The following MAEL variants were observed in gnomAD, a reference collection of about 807,000 sequenced individuals.
MAEL encodes the protein protein maelstrom homolog.
A neutral mutation model predicts 62.0 loss-of-function variants in MAEL; 46 were observed. That is an observed-to-expected ratio of 0.74 (90% CI 0.59 to 0.95). The LOEUF (loss-of-function observed/expected upper bound fraction) is 0.95. Ranked by LOEUF, MAEL falls within the 40% of genes least tolerant of loss-of-function variation. The pLI is 0.00. For missense variants in MAEL, 497 were observed against 526.8 expected (o/e 0.94, Z 0.55); for synonymous variants, 172 against 175.5 (o/e 0.98, Z 0.16).
Position 167,021,167 on chromosome 1 carries a change from A to G in MAEL, c.1117+7A>G. On this transcript the variant is annotated splice_region_variant and intron_variant, in intron 11 of 11. Coordinates refer to ENST00000367872, the MANE Select transcript of MAEL (RefSeq NM_032858.3). ...AGATCAAACACACCCATTGGTAAGC[A>G]ACTTATATTTTACAAAAATGCACCT... The G allele has an allele frequency of 6.2e-7, 1 of 1,603,870 alleles. No homozygotes were observed. The highest frequency in any genetic ancestry group is 1.7e-5 in the Admixed American group (1 of 59,716).
intron 5 of MAEL, among the ~76,000 whole-genome samples, chr1:166,999,236 G>T (rs745395361): frequency 6.6e-6 from 1 of 152,196 alleles, no homozygotes; most frequent in Non-Finnish European, 1.5e-5. Flanking sequence ...TAGGCTTCTT[G>T]TGCCAAATGA....
intron 1 of MAEL, 56 bp from the exon 2 acceptor site, chr1:166,989,681 T>C: frequency 6.4e-7 from 1 of 1,563,980 alleles, no homozygotes; most frequent in Non-Finnish European, 8.7e-7. Context: ...CTGCGGGCCC[T>C]AGAGCACGGG....
chr1:166,994,824 G>A (rs1007876064), intron 5 of MAEL, among the ~76,000 whole-genome samples: 11 of 151,218 alleles, frequency 7.3e-5, no homozygotes, highest in African/African-American at 2.2e-4. Context: ...CACATGCCAC[G>A]GTGCCCAGCT....
At chr1:167,006,912 A>G (rs1408707969) in intron 8 of MAEL, among the ~76,000 whole-genome samples, 1 of 151,952 alleles carries the variant, frequency 6.6e-6, no homozygotes, top group African/African-American at 2.4e-5. Context: ...CTGGGATTAC[A>G]TGCGTGAGCC....
At chr1:167,020,866 A>C (rs1410243) in intron 10 of MAEL, among the ~76,000 whole-genome samples, 1 of 151,442 alleles carries the variant, frequency 6.6e-6, no homozygotes, top group Non-Finnish European at 1.5e-5. Flanking sequence ...TCTCACTTTT[A>C]AAAAAAAAGG....
At chr1:166,975,760 C>G (rs1377436156) in intron 1 of MAEL, 3 of 152,078 alleles carry the variant, frequency 2.0e-5, no homozygotes, top group South Asian at 2.1e-4. Context: ...CGGGCCGCGC[C>G]GAGCGGGGAG....
rs944951589 is a variant in MAEL at position 166,994,974 on chromosome 1, ATTTTTTTTTTT to A, written c.523+917_523+927del. 5.3e-3 allele frequency among the ~76,000 whole-genome samples: 587 copies of A among 110,194 alleles called. 4 individuals are homozygous for A. Among genetic ancestry groups the A allele is most frequent in the African/African-American group, 0.017 (488 of 29,188 alleles). 72.3% of individuals were successfully genotyped at this position (110,194 alleles called of 152,430 possible). On this transcript the variant is annotated intron_variant, in intron 5 of 11. Transcript: ENST00000367872. ...AATGAGCCACCGTGCCCACCCAGTA[ATTTTTTTTTTT>A]TTTTTTTTTTTGCTTAGAAACGTGG... is the stretch of plus-strand genomic sequence containing the variant.
intron 5 of MAEL, among the ~76,000 whole-genome samples, chr1:167,002,691 G>C (rs988989809): frequency 6.6e-6 from 1 of 152,250 alleles, no homozygotes; most frequent in Admixed American, 6.5e-5. Context: ...AAAGGGGGAA[G>C]GATGGACAGG....
In MAEL at chr1:167,005,053, TTTTTGTTTTTTGC is replaced by T. The variant is rs750462726; in HGVS notation, c.649-19_649-7del. 1 of 1,609,884 alleles carries T rather than the reference TTTTTGTTTTTTGC, an allele frequency of 6.2e-7. No individual in the cohort carries two copies. The highest frequency in any genetic ancestry group is 1.7e-5 in the Admixed American group (1 of 59,570). ...GATACAAGTAGTTTTTTTGTTTTGT[TTTTTGTTTTTTGC>T]TTTCTCCAGTCTGATGATAGAACCA... On this transcript the variant is annotated splice_polypyrimidine_tract_variant and intron_variant, in intron 6 of 11. Coordinates refer to ENST00000367872, the MANE Select transcript of MAEL (RefSeq NM_032858.3).
rs765629046 is a variant in MAEL at position 166,989,325 on chromosome 1, T to G, written c.-28T>G. 2 of 1,603,234 alleles carry G rather than the reference T, an allele frequency of 1.2e-6. No homozygotes were observed. Among genetic ancestry groups the G allele is most frequent in the South Asian group, 1.1e-5 (1 of 88,922 alleles). ...GAGGGCGCCGGTGCTTTGTTCTGTCTGAGGCCAGGAAGTTTGACCGCGCTG... is the reference window on the plus strand; with the variant it reads ...GAGGGCGCCGGTGCTTTGTTCTGTCGGAGGCCAGGAAGTTTGACCGCGCTG... On this transcript the variant is annotated 5_prime_UTR_variant, in exon 1 of 12. Coordinates refer to ENST00000367872, the MANE Select transcript of MAEL (RefSeq NM_032858.3).
chr1:167,005,001 C>T, intron 6 of MAEL, 75 bp from the exon 7 acceptor site: 2 of 1,407,754 alleles, frequency 1.4e-6, no homozygotes, highest in South Asian at 2.5e-5. Context: ...GAAAGGACAG[C>T]ATTAGAAGTC....
rs761727927 is a variant in MAEL at position 166,989,817 on chromosome 1, C to G, written c.213C>G (p.Pro71=). Residue 71 remains proline (P), a synonymous_variant, in exon 2 of 12, where the codon CCC becomes CCG. Coordinates refer to ENST00000367872, the MANE Select transcript of MAEL (RefSeq NM_032858.3). ...WRAAQGKDPG[P]SEKQKPVFTP... is the part of the protein sequence containing the mutation. Reference sequence around the variant, plus strand: ...CCGCTCAGGGAAAGGACCCTGGGCCCTCAGAGAAGCAGGTAAAGTTAACGA... The same window carrying G: ...CCGCTCAGGGAAAGGACCCTGGGCCGTCAGAGAAGCAGGTAAAGTTAACGA... The G allele has an allele frequency of 6.2e-7, 1 of 1,611,756 alleles. No homozygotes were observed. Among genetic ancestry groups the G allele is most frequent in the South Asian group, 1.1e-5 (1 of 90,648 alleles).
chr1:166,989,129 C>T (rs561985084), upstream of MAEL: 137 of 596,940 alleles, frequency 2.3e-4, 1 homozygote, highest in Middle Eastern at 3.3e-3. Context: ...GCACCTGCGA[C>T]GGCGCTCTCC....
At position 166,997,379 on chromosome 1, in the gene MAEL, T is replaced by C. The variant is rs77667251; in HGVS notation, c.523+3310T>C. Among the ~76,000 whole-genome samples the C allele has an allele frequency of 9.8e-3, 1,496 of 152,352 alleles. 30 individuals are homozygous for C. Among genetic ancestry groups the C allele is most frequent in the African/African-American group, 0.034 (1,427 of 41,578 alleles). ...TTAACTCAATATCTTTCACTCGTTTTCTATTGAATCATTTGTTTTTCTTAC... is the reference window on the plus strand; with the variant it reads ...TTAACTCAATATCTTTCACTCGTTTCCTATTGAATCATTTGTTTTTCTTAC... On this transcript the variant is annotated intron_variant, in intron 5 of 11. Transcript: ENST00000367872.
intron 5 of MAEL, among the ~76,000 whole-genome samples, chr1:166,995,993 G>C: frequency 6.6e-6 from 1 of 152,110 alleles, no homozygotes; most frequent in South Asian, 2.1e-4. Context: ...ATTCAACCTA[G>C]TCAAAACTGA....
chr1:166,983,143 T>C (rs890819267), intron 1 of MAEL, among the ~76,000 whole-genome samples: 2 of 152,212 alleles, frequency 1.3e-5, no homozygotes, highest in Non-Finnish European at 2.9e-5. Context: ...TTTTCCACTA[T>C]AAGCTTTTTT....
chr1:166,997,969 A>C (rs906710104), intron 5 of MAEL, among the ~76,000 whole-genome samples: 1 of 152,190 alleles, frequency 6.6e-6, no homozygotes, highest in Admixed American at 6.5e-5. Context: ...TTGTACCCCA[A>C]TATGTAGTGC....
intron 8 of MAEL, chr1:167,005,733 T>C (rs1331998170): frequency 6.1e-6 from 1 of 163,186 alleles, no homozygotes; most frequent in African/African-American, 2.4e-5. Flanking sequence ...GGCAAAAGTA[T>C]TTTTTATTTT....
At chr1:167,018,100 TCAAAC>T in intron 10 of MAEL, 141 bp downstream of exon 10, 1 of 677,872 alleles carries the variant, frequency 1.5e-6, no homozygotes, top group Non-Finnish European at 2.3e-6. Context: ...TCATGGAATG[TCAAAC>T]AGTTCCTAAT....
Sources: allele counts gnomAD v4.1 joint callset (sites outside exome capture counted in the v4.1 genomes callset), GRCh38; gene constraint gnomAD v4.1.1; transcripts MANE v1.5; gene names NCBI Gene and HGNC (gene_info 2026-07-23, HGNC 2026-07-21).